The following ARIH2 variants were observed in gnomAD, a reference collection of about 807,000 sequenced individuals.
ARIH2 encodes ariadne RBR E3 ubiquitin protein ligase 2.
Under a neutral mutation model 79.8 loss-of-function variants are expected in ARIH2, and 12 were observed. The ratio of observed to expected loss-of-function variants is 0.15; its 90% CI spans 0.10 to 0.24. ARIH2 has a LOEUF of 0.24. Among genes scored for constraint, ARIH2 ranks in the 10% least tolerant of loss-of-function variants. The pLI is 1.00. For missense variants in ARIH2, 301 were observed against 618.3 expected (o/e 0.49, Z 5.44); for synonymous variants, 224 against 213.9 (o/e 1.05, Z -0.41).
intron 5 of ARIH2, among the ~76,000 whole-genome samples, chr3:48,965,379 T>C (rs543275605): frequency 7.4e-4 from 113 of 152,044 alleles, no homozygotes; most frequent in African/African-American, 2.6e-3. Context: ...AGGAGCTCTC[T>C]TTGCTTTGTT....
intron 3 of ARIH2, chr3:48,934,654 C>A (rs1344977463): frequency 5.1e-6 from 5 of 985,366 alleles, no homozygotes; most frequent in Non-Finnish European, 4.8e-6. Context: ...GTGTTTTAGT[C>A]CAGAAGTCTG....
chr3:48,939,561 T>A (rs1271200651), intron 3 of ARIH2, among the ~76,000 whole-genome samples: 1 of 149,484 alleles, frequency 6.7e-6, no homozygotes, highest in Non-Finnish European at 1.5e-5. Context: ...ATAGAGACCA[T>A]CCCGGCTAAC....
chr3:48,927,361 T>C (rs2085765881), intron 2 of ARIH2, 101 bp from the exon 3 acceptor site: 1 of 602,278 alleles, frequency 1.7e-6, no homozygotes, highest in Admixed American at 3.1e-5. Context: ...TAGGCTGTAG[T>C]GAGATTAGGG....
rs202082295 is a variant in ARIH2 at position 48,979,481 on chromosome 3, G to A, written c.962-1G>A. 1 of 1,614,046 alleles carries A rather than the reference G, an allele frequency of 6.2e-7. No homozygotes were observed. The highest frequency in any genetic ancestry group is 1.7e-5 in the Admixed American group (1 of 60,016). On this transcript the variant is annotated splice_acceptor_variant, in intron 11 of 15. Transcript: ENST00000356401. LOFTEE classifies it high-confidence loss of function. ...AATGACTCTTCCTCTGTTCTGCACA[G>A]ACTTCTGCTGGATGTGTCTAGGAGA...
intron 12 of ARIH2, chr3:48,979,834 G>C: frequency 1.9e-6 from 1 of 514,050 alleles, no homozygotes; most frequent in Non-Finnish European, 3.4e-6. Flanking sequence ...AACAGGGAAG[G>C]ACCTGGTACT....
At chr3:48,966,983 C>A in intron 5 of ARIH2, 142 bp from the exon 6 acceptor site, 1 of 901,090 alleles carries the variant, frequency 1.1e-6, no homozygotes, top group Non-Finnish European at 1.7e-6. Flanking sequence ...ACCCTTGGGA[C>A]TCAGAGTCCA....
intron 11 of ARIH2, chr3:48,975,184 C>G (rs931423948): frequency 1.4e-6 from 1 of 737,756 alleles, no homozygotes; most frequent in Non-Finnish European, 2.2e-6. Context: ...TGCTATCTTG[C>G]TAACACATAT....
At chr3:48,982,818 A>G (rs1253227989) in intron 14 of ARIH2, 78 bp from the exon 15 acceptor site, 6 of 1,009,860 alleles carry the variant, frequency 5.9e-6, no homozygotes, top group East Asian at 4.8e-5. Flanking sequence ...GAGGTGCTGC[A>G]TGTGCCCACC....
At chr3:48,956,356 C>T (rs2107470518) in intron 3 of ARIH2, among the ~76,000 whole-genome samples, 1 of 148,768 alleles carries the variant, frequency 6.7e-6, no homozygotes, top group South Asian at 2.1e-4. Flanking sequence ...CCAGGCTGGT[C>T]TCGAACTCCT....
chr3:48,923,736 G>A (rs759332625), intron 2 of ARIH2, among the ~76,000 whole-genome samples: 6 of 152,098 alleles, frequency 3.9e-5, no homozygotes, highest in Middle Eastern at 3.4e-3. Context: ...GGTCAGGCTG[G>A]CCTTGAACCC....
At chr3:48,959,673 AAAG>A (rs2091041226) in intron 3 of ARIH2, among the ~76,000 whole-genome samples, 2 of 150,846 alleles carry the variant, frequency 1.3e-5, no homozygotes, top group South Asian at 2.1e-4. Flanking sequence ...AAAAAAAAAA[AAAG>A]AAAAGAAAAT....
rs2085842312 is a variant in ARIH2, at chr3:48,927,831, C to T, written c.255+18C>T. 6.2e-7 allele frequency: 1 copy of T among 1,611,020 alleles called. No homozygotes were observed. Among genetic ancestry groups the T allele is most frequent in the Non-Finnish European group, 8.5e-7 (1 of 1,177,790 alleles). The stretch of plus-strand genomic sequence containing the variant: ...TCCTAAAGGTGAGCAGTGTTGTAAA[C>T]TCCAGTGTAATCCCCCCCAGTTAAA... On this transcript the variant is annotated intron_variant, in intron 3 of 15. Coordinates refer to ENST00000356401, the MANE Select transcript of ARIH2 (RefSeq NM_006321.4).
chr3:48,934,227 G>A (rs757435242), intron 3 of ARIH2: 19 of 419,908 alleles, frequency 4.5e-5, no homozygotes, highest in Non-Finnish European at 5.4e-5. Flanking sequence ...ATCAATTGGT[G>A]TTCATAACAA....
rs1427097527 is a variant in ARIH2 at position 48,977,071 on chromosome 3, G to A, written c.961+2092G>A. ...TACAAAATTAGCCAGGCGCAATGGCGCACTCCTGTAGTCCCAGCTATTCGG... is the reference window on the plus strand; with the variant it reads ...TACAAAATTAGCCAGGCGCAATGGCACACTCCTGTAGTCCCAGCTATTCGG... On this transcript the variant is annotated intron_variant, in intron 11 of 15. Coordinates refer to ENST00000356401, the MANE Select transcript of ARIH2 (RefSeq NM_006321.4). Among the ~76,000 whole-genome samples the A allele has an allele frequency of 1.4e-4, 21 of 152,002 alleles. No homozygotes were observed. In the East Asian group the frequency reaches 1.8e-3, roughly 13 times the overall value.
In ARIH2 at chr3:48,919,014, A is replaced by T; in HGVS notation, c.-162+16A>T. On this transcript the variant is annotated intron_variant, in intron 1 of 15. Transcript: ENST00000356401. ...GCAGCTCCCGGTAAGTGCGCGGCGC[A>T]CGTCACGGCCTTGTTTACCTTGGCT... 7.0e-7 allele frequency: 1 copy of T among 1,430,766 alleles called. No individual in the cohort carries two copies. Among genetic ancestry groups the T allele is most frequent in the Non-Finnish European group, 9.1e-7 (1 of 1,098,048 alleles). The allele number at this position is 1,430,766 out of a possible 1,614,324, so 88.6% of individuals were successfully genotyped here. A position where few individuals can be genotyped will look rare whatever the true frequency, so the allele number is the denominator to read the frequency against.
intron 3 of ARIH2, among the ~76,000 whole-genome samples, chr3:48,953,335 G>T (rs1289360714): frequency 1.3e-5 from 2 of 152,198 alleles, no homozygotes; most frequent in African/African-American, 4.8e-5. Flanking sequence ...TTTAATTTAT[G>T]ATTTTGGCAG....
At chr3:48,945,055 C>G (rs910843201) in intron 3 of ARIH2, 6 of 1,202,422 alleles carry the variant, frequency 5.0e-6, no homozygotes, top group Non-Finnish European at 6.6e-6. Context: ...AAGACCCATT[C>G]ATGTAGCCTT....
intron 3 of ARIH2, chr3:48,945,086 CAAGT>C: frequency 7.8e-7 from 1 of 1,281,196 alleles, no homozygotes; most frequent in Non-Finnish European, 1.0e-6. Context: ...AGGCAGTTGG[CAAGT>C]AAGAATTCTA....
intron 7 of ARIH2, among the ~76,000 whole-genome samples, chr3:48,968,924 G>T (rs1359263019): frequency 1.3e-5 from 2 of 151,978 alleles, no homozygotes; most frequent in South Asian, 2.1e-4. Context: ...TTGCTGTGTT[G>T]CCTGGCTGGA....
Sources: gnomAD v4.1 joint callset for allele counts (sites outside exome capture counted in the v4.1 genomes callset) on GRCh38, gnomAD v4.1.1 for gene constraint, MANE v1.5 for transcripts, NCBI Gene and HGNC (gene_info 2026-07-23, HGNC 2026-07-21) for gene names.